The following VSX2 variants were observed in gnomAD, a reference collection of about 807,000 sequenced individuals.
VSX2 encodes ceh-10 homeo domain containing homolog.
VSX2 carries 28 observed loss-of-function variants against 32.1 expected under a neutral mutation model. The observed-to-expected ratio is 0.87, with a 90% CI of 0.65 to 1.20. VSX2 has a LOEUF of 1.20. Ranked by LOEUF, VSX2 falls within the 50% of genes most tolerant of loss-of-function variation. The pLI, the probability that VSX2 is intolerant of heterozygous loss-of-function variation, is 0.00. For synonymous variants in VSX2, 243 were observed against 214.1 expected (o/e 1.14, Z -1.18); for missense variants, 506 against 488.7 (o/e 1.04, Z -0.33).
chr14:74,253,333 A>G (rs1440230631), intron 3 of VSX2, among the ~76,000 whole-genome samples: 1 of 152,234 alleles, frequency 6.6e-6, no homozygotes, highest in South Asian at 2.1e-4. Context: ...GAGAGGGATC[A>G]AAGGAATATT....
intron 3 of VSX2, among the ~76,000 whole-genome samples, chr14:74,245,652 G>A (rs956129145): frequency 3.3e-5 from 5 of 152,034 alleles, no homozygotes; most frequent in Admixed American, 1.3e-4. Flanking sequence ...TCTGTTCCAA[G>A]GCCAGAGGGT....
At chr14:74,254,335 C>T (rs2079248569) in intron 3 of VSX2, among the ~76,000 whole-genome samples, 1 of 151,832 alleles carries the variant, frequency 6.6e-6, no homozygotes. Flanking sequence ...CACTTGAACC[C>T]AGGAGGTGGA....
At chr14:74,243,698 T>G (rs985632980) in intron 2 of VSX2, among the ~76,000 whole-genome samples, 10 of 151,846 alleles carry the variant, frequency 6.6e-5, no homozygotes, top group Non-Finnish European at 1.5e-4. Context: ...GCATTTCACA[T>G]CATCACCCCC....
rs778183266 is a variant in VSX2, at chr14:74,260,835, C to T, written c.1002C>T (p.Thr334=). ...VSGPDSLARS[T]EKPEEEEAMD... ...GGCCGGACAGCCTGGCCCGGAGTAC[C>T]GAGAAGCCAGAGGAGGAGGAGGCCA... The change falls in exon 5 of 5, where the codon ACC becomes ACT. Residue 334 remains threonine, a synonymous_variant. Transcript: ENST00000261980. 17 of 1,566,532 alleles carry T rather than the reference C, an allele frequency of 1.1e-5. No homozygotes were observed. Among genetic ancestry groups the T allele is most frequent in the African/African-American group, 6.8e-5 (5 of 73,716 alleles).
chr14:74,258,322 G>C (rs893408995), intron 3 of VSX2, among the ~76,000 whole-genome samples: 1 of 152,146 alleles, frequency 6.6e-6, no homozygotes, highest in East Asian at 1.9e-4. Context: ...GCCCCTGGGG[G>C]TGACTCTTCT....
Position 74,239,505 on chromosome 14 carries a change from C to A in VSX2, c.-57C>A. ...CAACTTCGCGAAGCGGGAAGCCCGG[C>A]GGGGGGGTGGGGGGAGCTAAAGACC... On this transcript the variant is annotated 5_prime_UTR_variant, in exon 1 of 5. Coordinates refer to ENST00000261980, the MANE Select transcript of VSX2 (RefSeq NM_182894.3). The A allele has an allele frequency of 6.5e-7, 1 of 1,537,644 alleles. No individual in the cohort carries two copies. Among genetic ancestry groups the A allele is most frequent in the Non-Finnish European group, 8.8e-7 (1 of 1,139,086 alleles).
At position 74,260,699 on chromosome 14, in the gene VSX2, G is replaced by T. The variant is rs199473712; in HGVS notation, c.866G>T (p.Gly289Val). The T allele has an allele frequency of 1.3e-6, 2 of 1,594,800 alleles. No individual in the cohort carries two copies. The highest frequency in any genetic ancestry group is 3.5e-5 in the Admixed American group (2 of 56,778). ...GACAAGATGGAGCAGGACGAGCGGG[G>T]CCCCGACGCTCAGGCGGCCATCTCC... Reference protein sequence around the residue: ...KLDKMEQDERGPDAQAAISQE... With the variant: ...KLDKMEQDERVPDAQAAISQE... The change falls in exon 5 of 5, where the codon GGC (glycine) becomes GTC (valine). Residue 289 changes from glycine (G) to valine (V), a missense_variant. Transcript: ENST00000261980.
intron 3 of VSX2, among the ~76,000 whole-genome samples, chr14:74,251,635 C>A (rs1170511789): frequency 1.3e-5 from 2 of 152,032 alleles, no homozygotes; most frequent in Non-Finnish European, 2.9e-5. Flanking sequence ...TTTTGGGTGG[C>A]AGGGGTTTGG....
In VSX2 at chr14:74,239,951, G is replaced by T; in HGVS notation, c.370+20G>T. The T allele has an allele frequency of 3.2e-6, 5 of 1,550,982 alleles. No homozygotes were observed. Among genetic ancestry groups the T allele is most frequent in the Non-Finnish European group, 4.4e-6 (5 of 1,147,848 alleles). ...GCTCGGGTAGGTGAGGAGAGGTTGC[G>T]CTGCTGCCTGACTGGGGGGCGACAG... On this transcript the variant is annotated intron_variant, in intron 1 of 4. Coordinates refer to ENST00000261980, the MANE Select transcript of VSX2 (RefSeq NM_182894.3).
rs1481219329 is a variant in VSX2, at chr14:74,262,325, A to G, written c.*1406A>G. The G allele has an allele frequency of 6.6e-6, 1 of 152,278 alleles. No individual in the cohort carries two copies. The highest frequency in any genetic ancestry group is 1.5e-5 in the Non-Finnish European group (1 of 68,082). 9.4% of individuals were successfully genotyped at this position (152,278 alleles called of 1,614,324 possible). A position where few individuals can be genotyped will look rare whatever the true frequency, so the allele number is the denominator to read the frequency against. Reference sequence around the variant, plus strand: ...CTGGCCTTTTCCATTCGCATGAACAATGGGAGCACATAGCCCTGTTGACCT... The same window carrying G: ...CTGGCCTTTTCCATTCGCATGAACAGTGGGAGCACATAGCCCTGTTGACCT... On this transcript the variant is annotated 3_prime_UTR_variant, in exon 5 of 5. Transcript: ENST00000261980.
intron 2 of VSX2, among the ~76,000 whole-genome samples, chr14:74,243,748 A>T (rs2079166903): frequency 1.3e-5 from 2 of 152,136 alleles, no homozygotes; most frequent in South Asian, 4.2e-4. Context: ...GAATCAAACC[A>T]GTCATTTTCT....
At chr14:74,259,088 T>G (rs1302710034) in intron 3 of VSX2, among the ~76,000 whole-genome samples, 1 of 152,062 alleles carries the variant, frequency 6.6e-6, no homozygotes, top group Non-Finnish European at 1.5e-5. Context: ...CTGGGTGAAG[T>G]GCCCCTAAGA....
intron 3 of VSX2, among the ~76,000 whole-genome samples, chr14:74,252,640 C>A (rs904655614): frequency 1.3e-5 from 2 of 151,836 alleles, no homozygotes; most frequent in African/African-American, 4.8e-5. Flanking sequence ...CCACCCGACT[C>A]GGCCTCCAAA....
intron 3 of VSX2, among the ~76,000 whole-genome samples, chr14:74,258,394 G>C (rs150838438): frequency 0.018 from 2,675 of 152,284 alleles, 47 homozygotes; most frequent in Middle Eastern, 0.092. Context: ...CTCTGCCGCG[G>C]GGGAGGGGGC....
chr14:74,244,770 C>T (rs995427566), intron 2 of VSX2, among the ~76,000 whole-genome samples: 1 of 151,820 alleles, frequency 6.6e-6, no homozygotes, highest in Non-Finnish European at 1.5e-5. Flanking sequence ...TGAAATGTCA[C>T]TGAGGGCTGA....
chr14:74,258,449 G>C (rs1301678192), intron 3 of VSX2, among the ~76,000 whole-genome samples: 1 of 152,254 alleles, frequency 6.6e-6, no homozygotes. Context: ...CAAGGAAATC[G>C]GGAGGAAATG....
In VSX2 at chr14:74,239,856, G is replaced by A. The variant is rs780147787; in HGVS notation, c.295G>A (p.Asp99Asn). The A allele has an allele frequency of 3.3e-5, 52 of 1,577,748 alleles. No homozygotes were observed. Among genetic ancestry groups the A allele is most frequent in the Non-Finnish European group, 2.8e-5 (32 of 1,163,198 alleles). The change falls in exon 1 of 5, where the codon GAC becomes AAC. Residue 99 changes from aspartate (D) to asparagine (N), a missense_variant. Asp to Asn is a conservative substitution (Grantham distance 23). Transcript: ENST00000261980. ...TQPTFLEVLS[D>N]PQSVHLQPLG... ...GCCCACCTTCCTGGAAGTGCTGTCCGACCCGCAGAGCGTCCACTTGCAGCC... is the reference window on the plus strand; with the variant it reads ...GCCCACCTTCCTGGAAGTGCTGTCCAACCCGCAGAGCGTCCACTTGCAGCC...
rs1019572156 is a variant in VSX2, at chr14:74,242,301, G to T, written c.455+1035G>T. Reference sequence around the variant, plus strand: ...TTTCAAGACATTTCTCCACTAGGGCGTTCTCTGGCACCCCCGCCGCCACAT... The same window carrying T: ...TTTCAAGACATTTCTCCACTAGGGCTTTCTCTGGCACCCCCGCCGCCACAT... On this transcript the variant is annotated intron_variant, in intron 2 of 4. Transcript: ENST00000261980. Among the ~76,000 whole-genome samples the T allele has an allele frequency of 2.6e-5, 4 of 152,086 alleles. No homozygotes were observed. In the East Asian group the frequency reaches 5.8e-4, roughly 22 times the overall value.
chr14:74,256,785 T>A (rs888294095), intron 3 of VSX2, among the ~76,000 whole-genome samples: 1 of 151,288 alleles, frequency 6.6e-6, no homozygotes, highest in African/African-American at 2.4e-5. Context: ...GCGATTCTTC[T>A]GCTTCAGCCT....
Sources: gnomAD v4.1 joint callset for allele counts (sites outside exome capture counted in the v4.1 genomes callset) on GRCh38, gnomAD v4.1.1 for gene constraint, MANE v1.5 for transcripts, NCBI Gene and HGNC (gene_info 2026-07-23, HGNC 2026-07-21) for gene names.